Variants in USP13 observed in about 807,000 individuals in gnomAD.
USP13 encodes ubiquitin carboxyl-terminal hydrolase 13.
In USP13, 68 loss-of-function variants were observed where a neutral mutation model predicts 107.8. That is an observed-to-expected ratio of 0.63 (90% CI 0.52 to 0.77). The LOEUF (loss-of-function observed/expected upper bound fraction) is 0.77, where lower values mean the gene tolerates loss of function less well. Ranked by LOEUF, USP13 falls within the 30% of genes least tolerant of loss-of-function variation. The probability of loss-of-function intolerance (pLI) is 0.00; values close to 1 mark genes in which losing one functional copy is unlikely to be tolerated. For synonymous variants in USP13, 377 were observed against 389.5 expected (o/e 0.97, Z 0.38); for missense variants, 945 against 1,093.3 (o/e 0.86, Z 1.91).
intron 13 of USP13, among the ~76,000 whole-genome samples, chr3:179,749,801 T>A (rs1216947288): frequency 1.3e-5 from 2 of 152,080 alleles, no homozygotes; most frequent in African/African-American, 4.8e-5. Context: ...CAGCTAACAC[T>A]CCGCCTAGAT....
Position 179,785,346 on chromosome 3 carries a change from T to C in USP13, c.*1205T>C, listed in dbSNP as rs1715889519. On this transcript the variant is annotated 3_prime_UTR_variant, in exon 21 of 21. Transcript: ENST00000263966. ...TCTTGGACACACTAAGGATTTTAGA[T>C]GCAAAGAAACTTTATACAACATTAT... The C allele has an allele frequency of 6.6e-6, 1 of 152,204 alleles. No individual in the cohort carries two copies. The highest frequency in any genetic ancestry group is 6.5e-5 in the Admixed American group (1 of 15,280). The allele number at this position is 152,204 out of a possible 1,614,324, so 9.4% of individuals were successfully genotyped here. A position where few individuals can be genotyped will look rare whatever the true frequency, so the allele number is the denominator to read the frequency against.
intron 14 of USP13, among the ~76,000 whole-genome samples, chr3:179,753,567 C>T (rs567139221): frequency 6.6e-6 from 1 of 152,154 alleles, no homozygotes; most frequent in African/African-American, 2.4e-5. Flanking sequence ...TTTTAAGGAA[C>T]CTCAAAATGT....
intron 4 of USP13, among the ~76,000 whole-genome samples, chr3:179,702,486 C>A (rs1712570501): frequency 6.6e-6 from 1 of 152,196 alleles, no homozygotes; most frequent in Admixed American, 6.5e-5. Flanking sequence ...GTCCCAGAGT[C>A]TTCTGGACGT....
At chr3:179,773,327 T>TC (rs1299963592) in intron 19 of USP13, among the ~76,000 whole-genome samples, 2 of 152,220 alleles carry the variant, frequency 1.3e-5, no homozygotes, top group African/African-American at 4.8e-5. Flanking sequence ...ACCCAGTTTT[T>TC]CTCACCAGAG....
chr3:179,774,131 G>A (rs1481886522), intron 19 of USP13, among the ~76,000 whole-genome samples: 1 of 152,176 alleles, frequency 6.6e-6, no homozygotes, highest in Admixed American at 6.5e-5. Flanking sequence ...AGCGTGTCAC[G>A]TGGCAAGAGA....
intron 1 of USP13, among the ~76,000 whole-genome samples, chr3:179,654,513 C>G (rs1322307560): frequency 2.0e-5 from 3 of 152,122 alleles, no homozygotes; most frequent in Non-Finnish European, 4.4e-5. Flanking sequence ...GTGAATGTCC[C>G]TTTCAAAAGT....
chr3:179,770,333 C>G (rs1715306730), intron 19 of USP13, among the ~76,000 whole-genome samples: 1 of 152,146 alleles, frequency 6.6e-6, no homozygotes. Context: ...CATAAATATG[C>G]TAGGCATTTC....
At position 179,701,549 on chromosome 3, in the gene USP13, A is replaced by G. The variant is rs543978765; in HGVS notation, c.477+420A>G. Among the ~76,000 whole-genome samples, 6 of 152,302 alleles carry G rather than the reference A, an allele frequency of 3.9e-5. No homozygotes were observed. In the East Asian group the frequency reaches 1.2e-3, roughly 29 times the overall value. On this transcript the variant is annotated intron_variant, in intron 4 of 20. Transcript: ENST00000263966. ...ATCATGTTTATTATGTTGGCCTTCC[A>G]TGTAACATTTTGTTTGGAAAAAAAT...
chr3:179,701,134 G>A lies in USP13; in HGVS notation c.477+5G>A. ...ATTGAGGAGTTACCAGCCCTGGTCA[G>A]TGAGTGTGCACGGCTGCTAGCTAGA... On this transcript the variant is annotated splice_donor_5th_base_variant and intron_variant, in intron 4 of 20. Transcript: ENST00000263966. The A allele has an allele frequency of 1.3e-6, 2 of 1,554,244 alleles. No individual in the cohort carries two copies. Among genetic ancestry groups the A allele is most frequent in the Non-Finnish European group, 1.8e-6 (2 of 1,142,050 alleles).
At chr3:179,667,332 G>A (rs1012422827) in intron 1 of USP13, among the ~76,000 whole-genome samples, 3 of 152,106 alleles carry the variant, frequency 2.0e-5, no homozygotes, top group Non-Finnish European at 2.9e-5. Context: ...GCTTTTATGG[G>A]TTAGCCTGGA....
intron 8 of USP13, among the ~76,000 whole-genome samples, chr3:179,726,427 A>C (rs800365): frequency 6.6e-6 from 1 of 152,200 alleles, no homozygotes; most frequent in Admixed American, 6.5e-5. Context: ...CAAAGACAAC[A>C]GGGAAAGAAC....
At position 179,745,111 on chromosome 3, in the gene USP13, G is replaced by A. The variant is rs775568485; in HGVS notation, c.1603G>A (p.Val535Ile). The A allele has an allele frequency of 5.0e-6, 8 of 1,614,164 alleles. No individual in the cohort carries two copies. In the Admixed American group the frequency reaches 1.3e-4, roughly 27 times the overall value. Residue 535 changes from valine to isoleucine, a missense_variant, in exon 13 of 21, where the codon GTA becomes ATA. Physicochemically the swap from Val to Ile is conservative, Grantham distance 29. Coordinates refer to ENST00000263966, the MANE Select transcript of USP13 (RefSeq NM_003940.3). The part of the protein sequence containing the change: ...EANRRPLPEL[V>I]RAKIPFSACL... The stretch of plus-strand genomic sequence containing the variant: ...AAACAGAAGACCCCTTCCTGAGTTG[G>A]TACGTGCCAAGATACCATTTAGTGC...
At chr3:179,705,821 C>T (rs1712692207) in intron 4 of USP13, among the ~76,000 whole-genome samples, 1 of 152,148 alleles carries the variant, frequency 6.6e-6, no homozygotes, top group African/African-American at 2.4e-5. Context: ...CTCCCAGGCT[C>T]AAGCGATCCT....
chr3:179,783,783 C>T (rs941729956), intron 20 of USP13, among the ~76,000 whole-genome samples: 17 of 151,914 alleles, frequency 1.1e-4, no homozygotes, highest in Admixed American at 5.9e-4. Flanking sequence ...CGAGAGGATC[C>T]CTTGAGCCCA....
At chr3:179,774,681 A>C (rs1014316626) in intron 19 of USP13, among the ~76,000 whole-genome samples, 2 of 152,234 alleles carry the variant, frequency 1.3e-5, no homozygotes, top group Non-Finnish European at 2.9e-5. Flanking sequence ...AAAGAGCAAA[A>C]GAACAAACCT....
At chr3:179,701,834 A>C (rs1196252857) in intron 4 of USP13, among the ~76,000 whole-genome samples, 1 of 152,016 alleles carries the variant, frequency 6.6e-6, no homozygotes, top group African/African-American at 2.4e-5. Flanking sequence ...AATGACTTGA[A>C]GCTGGATCTG....
chr3:179,755,311 T>C (rs554958489), intron 15 of USP13, among the ~76,000 whole-genome samples: 1 of 152,296 alleles, frequency 6.6e-6, no homozygotes, highest in Non-Finnish European at 1.5e-5. Context: ...TTTTTTTTTT[T>C]TGAGGTGGAG....
intron 14 of USP13, among the ~76,000 whole-genome samples, chr3:179,753,867 G>T (rs1374718041): frequency 6.6e-6 from 1 of 152,020 alleles, no homozygotes; most frequent in African/African-American, 2.4e-5. Flanking sequence ...TCTTGACAGG[G>T]TATTAGTCTG....
Position 179,785,218 on chromosome 3 carries a change from C to T in USP13, c.*1077C>T, listed in dbSNP as rs1024057607. 3.3e-5 allele frequency: 5 copies of T among 152,170 alleles called. No individual in the cohort carries two copies. The highest frequency in any genetic ancestry group is 7.2e-5 in the African/African-American group (3 of 41,434). 9.4% of individuals were successfully genotyped at this position (152,170 alleles called of 1,614,324 possible). A position where few individuals can be genotyped will look rare whatever the true frequency, so the allele number is the denominator to read the frequency against. ...CATCTCTGAGCTCTTTATCTGCCTCCGTTTCCTTGTTTTTCTGGGGCCAGA... is the reference window on the plus strand; with the variant it reads ...CATCTCTGAGCTCTTTATCTGCCTCTGTTTCCTTGTTTTTCTGGGGCCAGA... On this transcript the variant is annotated 3_prime_UTR_variant, in exon 21 of 21. Coordinates refer to ENST00000263966, the MANE Select transcript of USP13 (RefSeq NM_003940.3).
Sources: gnomAD v4.1 joint callset for allele counts (sites outside exome capture counted in the v4.1 genomes callset) on GRCh38, gnomAD v4.1.1 for gene constraint, MANE v1.5 for transcripts, NCBI Gene and HGNC (gene_info 2026-07-23, HGNC 2026-07-21) for gene names.